The following POLR3B variants were observed in gnomAD, a reference collection of about 807,000 sequenced individuals.
The protein encoded by POLR3B is DNA-directed RNA polymerase III subunit RPC2.
A neutral mutation model predicts 147.4 loss-of-function variants in POLR3B; 96 were observed. That is an observed-to-expected ratio of 0.65 (90% CI 0.55 to 0.77). The LOEUF is 0.77. POLR3B is among the 30% of genes least tolerant of loss of function. The probability of loss-of-function intolerance (pLI) is 0.00; values close to 1 mark genes in which losing one functional copy is unlikely to be tolerated. For synonymous variants in POLR3B, 461 were observed against 485.9 expected (o/e 0.95, Z 0.67); for missense variants, 1,036 against 1,413.5 (o/e 0.73, Z 4.28).
intron 23 of POLR3B, among the ~76,000 whole-genome samples, chr12:106,490,194 A>G (rs866712692): frequency 6.6e-6 from 1 of 152,286 alleles, no homozygotes; most frequent in Middle Eastern, 3.4e-3. Context: ...CCAGAATAAA[A>G]ATCTCCAATT....
At chr12:106,388,808 A>G (rs1235180560) in intron 9 of POLR3B, among the ~76,000 whole-genome samples, 2 of 152,104 alleles carry the variant, frequency 1.3e-5, no homozygotes, top group South Asian at 4.1e-4. Context: ...ATATATTTCA[A>G]CCTGTCACCA....
At chr12:106,423,501 G>T (rs1023742371) in intron 12 of POLR3B, among the ~76,000 whole-genome samples, 13 of 152,144 alleles carry the variant, frequency 8.5e-5, no homozygotes, top group African/African-American at 3.1e-4. Context: ...CAAGTCCAAA[G>T]GTCTGAGAGC....
At chr12:106,359,896 C>T (rs1267634031) in intron 1 of POLR3B, among the ~76,000 whole-genome samples, 1 of 152,202 alleles carries the variant, frequency 6.6e-6, no homozygotes, top group Non-Finnish European at 1.5e-5. Flanking sequence ...TATCGGACCG[C>T]TTCTCCAGAG....
intron 23 of POLR3B, among the ~76,000 whole-genome samples, chr12:106,475,807 T>C (rs969847104): frequency 2.2e-4 from 33 of 150,262 alleles, no homozygotes; most frequent in Admixed American, 1.3e-4. Flanking sequence ...TGATGGGTCT[T>C]GACTCTTTAT....
At chr12:106,370,141 A>G (rs560952044) in intron 6 of POLR3B, among the ~76,000 whole-genome samples, 4 of 152,358 alleles carry the variant, frequency 2.6e-5, no homozygotes, top group East Asian at 1.9e-4. Context: ...TTAGGGAAAT[A>G]TATTGACTCT....
chr12:106,410,620 G>A (rs1443860487), intron 11 of POLR3B: 18 of 583,896 alleles, frequency 3.1e-5, no homozygotes, highest in Non-Finnish European at 4.6e-5. Context: ...TGACACAGAG[G>A]TACTCACAGG....
intron 23 of POLR3B, among the ~76,000 whole-genome samples, chr12:106,489,768 C>T (rs1468618871): frequency 6.6e-6 from 1 of 152,146 alleles, no homozygotes; most frequent in Non-Finnish European, 1.5e-5. Flanking sequence ...AATAATAACA[C>T]CTTGTACTCG....
rs1029844519 is a variant in POLR3B, at chr12:106,404,467, A to C, written c.847-1390A>C. On this transcript the variant is annotated intron_variant, in intron 10 of 27. Coordinates refer to ENST00000228347, the MANE Select transcript of POLR3B (RefSeq NM_018082.6). ...AGTCTTTTTAATTTTAGCCACTCTA[A>C]TGGGTGTATAGTGGTATCTCATGGT... Among the ~76,000 whole-genome samples the C allele has an allele frequency of 2.0e-5, 3 of 152,122 alleles. No individual in the cohort carries two copies. In the South Asian group the frequency reaches 6.2e-4, roughly 32 times the overall value.
chr12:106,462,125 C>G lies in POLR3B; in HGVS notation c.2571-1353C>G, dbSNP rs76172251. ...CCTGTCATCTTAGCAGCTCTCTTCT[C>G]TCCCTCCTCCTGCTTCATGCTACAG... On this transcript the variant is annotated intron_variant, in intron 22 of 27. Transcript: ENST00000228347. Among the ~76,000 whole-genome samples the G allele has an allele frequency of 8.8e-3, 1,343 of 152,350 alleles. 20 individuals are homozygous for G. The highest frequency in any genetic ancestry group is 0.03 in the African/African-American group (1,253 of 41,578).
At chr12:106,408,822 C>G (rs1239956744) in intron 11 of POLR3B, among the ~76,000 whole-genome samples, 2 of 152,166 alleles carry the variant, frequency 1.3e-5, no homozygotes, top group Admixed American at 1.3e-4. Context: ...ACTCTGGGAA[C>G]AGTCCTGGAA....
rs375785371 is a variant in POLR3B, at chr12:106,476,093, C to T, written c.2713+12473C>T. On this transcript the variant is annotated intron_variant, in intron 23 of 27. Transcript: ENST00000228347. ...ACAAAATCTCTCAGCATTTGCTTGT[C>T]TGTAAAGTATTTTATTTCTCCTTCA... Among the ~76,000 whole-genome samples the T allele has an allele frequency of 6.9e-5, 10 of 144,548 alleles. No homozygotes were observed. In the South Asian group the frequency reaches 1.4e-3, roughly 21 times the overall value. The allele number at this position is 144,548 out of a possible 152,430, so 94.8% of individuals were successfully genotyped here.
Position 106,457,253 on chromosome 12 carries a change from C to A in POLR3B, c.2409C>A (p.Ile803=), listed in dbSNP as rs958548299. The change falls in exon 21 of 28, where the codon ATC becomes ATA. Residue 803 remains isoleucine (I), a synonymous_variant. Coordinates refer to ENST00000228347, the MANE Select transcript of POLR3B (RefSeq NM_018082.6). ...TGGATGCTGCTACAAGGAAACCTAT[C>A]TGGCGACATGAAATCTTAGATGCAG... is the stretch of plus-strand genomic sequence containing the variant. ...PMLDAATRKP[I]WRHEILDADG... 1 of 1,613,684 alleles carries A rather than the reference C, an allele frequency of 6.2e-7. No individual in the cohort carries two copies. The highest frequency in any genetic ancestry group is 1.3e-5 in the African/African-American group (1 of 74,908).
At chr12:106,359,731 T>G (rs911288391) in intron 1 of POLR3B, among the ~76,000 whole-genome samples, 9 of 152,206 alleles carry the variant, frequency 5.9e-5, no homozygotes, top group African/African-American at 1.9e-4. Flanking sequence ...ATGCATTATG[T>G]TATTTAATCC....
intron 1 of POLR3B, 151 bp downstream of exon 1, chr12:106,358,102 C>CT (rs753621178): frequency 4.2e-4 from 639 of 1,512,936 alleles, no homozygotes; most frequent in East Asian, 1.3e-3. Flanking sequence ...GCTTGCGAGT[C>CT]TTTTTTCCAG....
chr12:106,364,878 G>A (rs2036512274), intron 2 of POLR3B, among the ~76,000 whole-genome samples: 1 of 152,228 alleles, frequency 6.6e-6, no homozygotes, highest in East Asian at 1.9e-4. Context: ...GCTCACGCCT[G>A]TAATCCCAGC....
chr12:106,467,125 C>A (rs1405406623), intron 23 of POLR3B, among the ~76,000 whole-genome samples: 1 of 152,146 alleles, frequency 6.6e-6, no homozygotes, highest in Non-Finnish European at 1.5e-5. Flanking sequence ...CCTCTTATTT[C>A]CTTGAGCAGT....
chr12:106,495,739 A>G lies in POLR3B; in HGVS notation c.2714-316A>G, dbSNP rs576837704. Among the ~76,000 whole-genome samples the G allele has an allele frequency of 1.1e-4, 16 of 152,290 alleles. 1 individual carries two copies. Among genetic ancestry groups the G allele is most frequent in the Admixed American group, 8.5e-4 (13 of 15,300 alleles). On this transcript the variant is annotated intron_variant, in intron 23 of 27. Coordinates refer to ENST00000228347, the MANE Select transcript of POLR3B (RefSeq NM_018082.6). Reference sequence around the variant, plus strand: ...GACTTAAAGCTTCAGGTATGGCCACAGGCCTGGGGTCCAGTGAAGCTGCTG... The same window carrying G: ...GACTTAAAGCTTCAGGTATGGCCACGGGCCTGGGGTCCAGTGAAGCTGCTG...
At chr12:106,455,928 T>G (rs2037858668) in intron 20 of POLR3B, among the ~76,000 whole-genome samples, 1 of 152,232 alleles carries the variant, frequency 6.6e-6, no homozygotes, top group Non-Finnish European at 1.5e-5. Flanking sequence ...GAGATTTTAT[T>G]TATAAATCCA....
At chr12:106,441,949 G>T (rs1162421948) in intron 18 of POLR3B, among the ~76,000 whole-genome samples, 4 of 151,918 alleles carry the variant, frequency 2.6e-5, no homozygotes. Context: ...GTGTGGTGGC[G>T]CATGTCTGTA....
Sources: gnomAD v4.1 joint callset for allele counts (sites outside exome capture counted in the v4.1 genomes callset) on GRCh38, gnomAD v4.1.1 for gene constraint, MANE v1.5 for transcripts, NCBI Gene and HGNC (gene_info 2026-07-23, HGNC 2026-07-21) for gene names.